IL1RAPL2: variants seen among roughly 807,000 people sequenced by gnomAD.
The protein encoded by IL1RAPL2 is interleukin 1 receptor accessory protein like 2, also known as X-linked interleukin-1 receptor accessory protein-like 2.
IL1RAPL2 carries 3 observed loss-of-function variants against 44.1 expected under a neutral mutation model. The ratio of observed to expected loss-of-function variants is 0.07; its 90% CI spans 0.03 to 0.18. The LOEUF (loss-of-function observed/expected upper bound fraction) is 0.18, where lower values mean the gene tolerates loss of function less well. IL1RAPL2 is among the 10% of genes least tolerant of loss of function. The pLI, the probability that IL1RAPL2 is intolerant of heterozygous loss-of-function variation, is 1.00. For missense variants in IL1RAPL2, 391 were observed against 496.4 expected, an observed-to-expected ratio of 0.79 and a Z score of 2.02; for synonymous variants, 181 against 178.8, an observed-to-expected ratio of 1.01 and a Z score of -0.10.
chrX:104,715,417 CAAA>C (rs57271887), intron 2 of IL1RAPL2, among the ~76,000 whole-genome samples: 1 of 72,387 alleles, frequency 1.4e-5, no homozygotes, highest in Non-Finnish European at 2.6e-5. Context: ...TCTATTTTTT[CAAA>C]AAAAAAAAAA....
intron 2 of IL1RAPL2, among the ~76,000 whole-genome samples, chrX:104,806,639 T>C (rs1252445644): frequency 1.8e-5 from 2 of 112,911 alleles, no homozygotes; most frequent in Non-Finnish European, 3.7e-5. Context: ...TCCTTTGTGG[T>C]ACAACACTTG....
intron 6 of IL1RAPL2, among the ~76,000 whole-genome samples, chrX:105,674,955 C>T (rs1443975173): frequency 9.1e-6 from 1 of 110,018 alleles, no homozygotes; most frequent in Non-Finnish European, 1.9e-5. Flanking sequence ...TGATTTGGCT[C>T]TCTGCTTGCC....
chrX:104,958,947 C>T (rs1042502757), intron 2 of IL1RAPL2, among the ~76,000 whole-genome samples: 4 of 110,565 alleles, frequency 3.6e-5, no homozygotes, highest in Non-Finnish European at 5.7e-5. Context: ...CTGAGGTGTT[C>T]ACCATGAGAA....
chrX:104,914,499 G>C (rs1282107803), intron 2 of IL1RAPL2, among the ~76,000 whole-genome samples: 1 of 111,781 alleles, frequency 8.9e-6, no homozygotes, highest in African/African-American at 3.3e-5. Flanking sequence ...AATGCATCTG[G>C]AAAGATATTC....
At chrX:105,545,159 T>C (rs1195924521) in intron 6 of IL1RAPL2, among the ~76,000 whole-genome samples, 1 of 112,191 alleles carries the variant, frequency 8.9e-6, no homozygotes, top group Non-Finnish European at 1.9e-5. Flanking sequence ...TCCGTTGCTC[T>C]ACATTTCTTC....
intron 2 of IL1RAPL2, among the ~76,000 whole-genome samples, chrX:105,076,627 A>C (rs905423633): frequency 9.0e-5 from 10 of 111,000 alleles, no homozygotes; most frequent in African/African-American, 3.3e-4. Flanking sequence ...TGATCTGTCT[A>C]ATGTTGACAG....
intron 5 of IL1RAPL2, among the ~76,000 whole-genome samples, chrX:105,296,046 C>T (rs1433460335): frequency 4.5e-5 from 5 of 111,070 alleles, no homozygotes; most frequent in Non-Finnish European, 7.6e-5. Context: ...TACACTGGTC[C>T]TCAATCCATT....
chrX:105,698,093 G>C (rs1489232025), intron 6 of IL1RAPL2, among the ~76,000 whole-genome samples: 2 of 111,475 alleles, frequency 1.8e-5, no homozygotes, highest in African/African-American at 3.3e-5. Flanking sequence ...GACTCCAAGT[G>C]TTGCTTCTCC....
chrX:105,258,105 C>G (rs1307880705), intron 4 of IL1RAPL2, among the ~76,000 whole-genome samples: 1 of 111,830 alleles, frequency 8.9e-6, no homozygotes, highest in Non-Finnish European at 1.9e-5. Flanking sequence ...TTTTCAAGAT[C>G]TCCTGTAAGG....
At chrX:104,915,598 T>G (rs1924395922) in intron 2 of IL1RAPL2, among the ~76,000 whole-genome samples, 1 of 110,557 alleles carries the variant, frequency 9.0e-6, no homozygotes, top group Admixed American at 9.6e-5. Flanking sequence ...CAATTTTGGC[T>G]TTTGTTGCCA....
At chrX:105,049,578 A>G (rs2031890599) in intron 2 of IL1RAPL2, among the ~76,000 whole-genome samples, 1 of 111,223 alleles carries the variant, frequency 9.0e-6, no homozygotes, top group Admixed American at 9.6e-5. Context: ...GTAAATTCTT[A>G]ATGATTATAA....
At chrX:104,714,029 G>GT (rs764502473) in intron 2 of IL1RAPL2, among the ~76,000 whole-genome samples, 11 of 110,826 alleles carry the variant, frequency 9.9e-5, no homozygotes, top group African/African-American at 1.6e-4. Flanking sequence ...AGACTATGGG[G>GT]TTTTTTTAGA....
chrX:105,035,691 T>C (rs1327349493), intron 2 of IL1RAPL2, among the ~76,000 whole-genome samples: 1 of 112,476 alleles, frequency 8.9e-6, no homozygotes, highest in Non-Finnish European at 1.9e-5. Flanking sequence ...ATTATCTCAC[T>C]TATTCTCACA....
rs193165607 is a variant in IL1RAPL2, at chrX:104,976,165, A to G, written c.83-219310A>G. Among the ~76,000 whole-genome samples the G allele has an allele frequency of 5.5e-4, 61 of 111,826 alleles. 1 individual carries two copies. Among genetic ancestry groups the G allele is most frequent in the Middle Eastern group, 4.6e-3 (1 of 216 alleles). On this transcript the variant is annotated intron_variant, in intron 2 of 10. Coordinates refer to ENST00000372582, the MANE Select transcript of IL1RAPL2 (RefSeq NM_017416.2). ...GAACCCAAATGGTGTTGCAAGAGAAAATGAGTTTCTTTTTCTCTAAGCTGA... is the reference window on the plus strand; with the variant it reads ...GAACCCAAATGGTGTTGCAAGAGAAGATGAGTTTCTTTTTCTCTAAGCTGA...
At chrX:105,543,027 A>G (rs1175704742) in intron 6 of IL1RAPL2, among the ~76,000 whole-genome samples, 2 of 111,646 alleles carry the variant, frequency 1.8e-5, no homozygotes, top group East Asian at 5.6e-4. Context: ...GTTTAATGAA[A>G]TAAGTATATT....
chrX:104,673,141 C>T (rs1293938852), intron 2 of IL1RAPL2, among the ~76,000 whole-genome samples: 1 of 111,634 alleles, frequency 9.0e-6, no homozygotes, highest in African/African-American at 3.3e-5. Context: ...GTTGACATTG[C>T]TTTTGGTGTT....
At chrX:105,476,749 A>AT (rs1172524875) in intron 5 of IL1RAPL2, among the ~76,000 whole-genome samples, 1 of 112,373 alleles carries the variant, frequency 8.9e-6, no homozygotes, top group Non-Finnish European at 1.9e-5. Context: ...ATGAACATTG[A>AT]TTTTTTAATT....
At chrX:104,570,807 G>A (rs765773437) in intron 1 of IL1RAPL2, among the ~76,000 whole-genome samples, 34 of 111,774 alleles carry the variant, frequency 3.0e-4, no homozygotes, top group Non-Finnish European at 4.7e-4. Flanking sequence ...TCACAGCTTC[G>A]TGTAGCTATA....
At chrX:104,582,976 C>A (rs917197870) in intron 1 of IL1RAPL2, among the ~76,000 whole-genome samples, 7 of 106,860 alleles carry the variant, frequency 6.6e-5, no homozygotes, top group Non-Finnish European at 1.2e-4. Context: ...GCAGCTTCGA[C>A]CTCCAGGTTC....
Sources: gnomAD v4.1 joint callset for allele counts (sites outside exome capture counted in the v4.1 genomes callset) on GRCh38, gnomAD v4.1.1 for gene constraint, MANE v1.5 for transcripts, NCBI Gene and HGNC (gene_info 2026-07-23, HGNC 2026-07-21) for gene names.